Variants in USH2A observed in about 807,000 individuals in gnomAD.
USH2A encodes Usher syndrome 2A (autosomal recessive, mild).
In USH2A, 443 loss-of-function variants were observed where a neutral mutation model predicts 538.9. The ratio of observed to expected loss-of-function variants is 0.82; its 90% CI spans 0.76 to 0.89. The LOEUF is 0.89. Ranked by LOEUF, USH2A falls within the 40% of genes least tolerant of loss-of-function variation. USH2A has a pLI of 0.00. For missense variants in USH2A, 6,633 were observed against 6,324.8 expected (o/e 1.05, Z -1.65); for synonymous variants, 2,413 against 2,273.5 (o/e 1.06, Z -1.75).
chr1:216,346,824 C>T (rs186474771), intron 4 of USH2A, among the ~76,000 whole-genome samples: 49 of 151,580 alleles, frequency 3.2e-4, no homozygotes, highest in Admixed American at 1.1e-3. Flanking sequence ...GTTAAGAAAC[C>T]GAAAAATGAA....
chr1:215,632,978 T>C (rs1017467869), intron 70 of USH2A, among the ~76,000 whole-genome samples: 2 of 152,112 alleles, frequency 1.3e-5, no homozygotes, highest in African/African-American at 4.8e-5. Context: ...CCGGGGCACA[T>C]ACAACAGGAA....
intron 11 of USH2A, among the ~76,000 whole-genome samples, chr1:216,287,423 G>GCCC (rs1244383595): frequency 1.3e-5 from 2 of 152,180 alleles, no homozygotes; most frequent in African/African-American, 4.8e-5. Context: ...AGAGCCAGTA[G>GCCC]TATGCTGGAG....
chr1:216,201,316 T>C (rs1249513390), intron 16 of USH2A, among the ~76,000 whole-genome samples: 3 of 150,228 alleles, frequency 2.0e-5, no homozygotes, highest in Admixed American at 1.3e-4. Flanking sequence ...TTTCTTTTTT[T>C]TTTTTTTTTG....
At chr1:215,746,234 G>T (rs1660466069) in intron 58 of USH2A, among the ~76,000 whole-genome samples, 1 of 152,056 alleles carries the variant, frequency 6.6e-6, no homozygotes, top group African/African-American at 2.4e-5. Flanking sequence ...ATTAATTGGT[G>T]TGTCTGAATG....
At chr1:216,278,968 C>A (rs1182771812) in intron 11 of USH2A, among the ~76,000 whole-genome samples, 1 of 152,150 alleles carries the variant, frequency 6.6e-6, no homozygotes, top group African/African-American at 2.4e-5. Context: ...AGTAGGGTCT[C>A]TGTTCCTTAT....
chr1:216,340,074 A>G (rs1457889686), intron 4 of USH2A, among the ~76,000 whole-genome samples: 3 of 151,720 alleles, frequency 2.0e-5, no homozygotes, highest in Non-Finnish European at 4.4e-5. Context: ...CAAACAAACA[A>G]ACAAACAAAA....
At chr1:215,870,248 T>C in intron 43 of USH2A, among the ~76,000 whole-genome samples, 1 of 151,806 alleles carries the variant, frequency 6.6e-6, no homozygotes, top group East Asian at 2.0e-4. Flanking sequence ...CATTGTTAAG[T>C]TAAATTTTTA....
At chr1:216,301,066 T>G (rs1208414766) in intron 9 of USH2A, among the ~76,000 whole-genome samples, 1 of 152,044 alleles carries the variant, frequency 6.6e-6, no homozygotes, top group Non-Finnish European at 1.5e-5. Flanking sequence ...TCAATTTTAC[T>G]TATTTCTTAA....
chr1:215,665,400 C>T (rs1218564006), intron 64 of USH2A, among the ~76,000 whole-genome samples: 1 of 151,986 alleles, frequency 6.6e-6, no homozygotes, highest in Non-Finnish European at 1.5e-5. Context: ...GTGCTTACCG[C>T]AAAAATCTGT....
At position 215,674,785 on chromosome 1, in the gene USH2A, A is replaced by G. The variant is rs775490668; in HGVS notation, c.13126T>C (p.Trp4376Arg). Residue 4376 changes from tryptophan to arginine, a missense_variant, in exon 63 of 72, where the codon TGG (tryptophan) becomes CGG (arginine). Transcript: ENST00000307340. ...AVSATQMNVC[W>R]SPPTVQNGKI... ...CCATTTTGCACTGTGGGCGGTGACC[A>G]ACATACATTCATTTGAGTGGCACTG... 1.9e-6 allele frequency: 3 copies of G among 1,614,176 alleles called. No individual in the cohort carries two copies. The South Asian group carries it at 3.3e-5, about 18-fold the overall frequency.
chr1:215,995,455 C>A (rs1390253777), intron 34 of USH2A, among the ~76,000 whole-genome samples: 1 of 152,180 alleles, frequency 6.6e-6, no homozygotes, highest in East Asian at 1.9e-4. Context: ...GTAAGCAGGA[C>A]ATTATCTTAG....
intron 38 of USH2A, among the ~76,000 whole-genome samples, chr1:215,922,718 C>T (rs955668588): frequency 1.3e-4 from 20 of 152,040 alleles, no homozygotes; most frequent in African/African-American, 4.6e-4. Flanking sequence ...TGAGAAGTTG[C>T]ATTTCAAGCA....
intron 37 of USH2A, among the ~76,000 whole-genome samples, chr1:215,953,163 C>T (rs1666967208): frequency 1.3e-5 from 2 of 152,020 alleles, no homozygotes; most frequent in Admixed American, 1.3e-4. Context: ...AGATTCAATG[C>T]CATCCCCATC....
intron 3 of USH2A, among the ~76,000 whole-genome samples, chr1:216,403,952 C>T (rs1384178908): frequency 1.3e-5 from 2 of 152,056 alleles, no homozygotes; most frequent in Admixed American, 6.5e-5. Context: ...CCTGACGCCA[C>T]GTGAGGAAGG....
chr1:216,289,504 C>A, intron 10 of USH2A, 94 bp from the exon 11 acceptor site: 1 of 1,572,818 alleles, frequency 6.4e-7, no homozygotes, highest in Non-Finnish European at 8.7e-7. Flanking sequence ...TGAGGGAATT[C>A]TATAATTTTC....
At chr1:215,983,714 C>T (rs535884958) in intron 35 of USH2A, among the ~76,000 whole-genome samples, 1 of 152,070 alleles carries the variant, frequency 6.6e-6, no homozygotes, top group Non-Finnish European at 1.5e-5. Context: ...AACAGGAAAC[C>T]AATGACAACT....
chr1:216,249,445 T>C (rs984879907), intron 12 of USH2A, among the ~76,000 whole-genome samples: 3 of 152,168 alleles, frequency 2.0e-5, no homozygotes, highest in African/African-American at 7.2e-5. Context: ...CTTTAACTTT[T>C]GTTTTCACAT....
intron 41 of USH2A, among the ~76,000 whole-genome samples, chr1:215,885,679 A>G (rs1665030891): frequency 6.6e-6 from 1 of 152,188 alleles, no homozygotes; most frequent in Non-Finnish European, 1.5e-5. Flanking sequence ...ACCAAGTCAT[A>G]TCACCTCTTT....
intron 32 of USH2A, among the ~76,000 whole-genome samples, chr1:216,004,222 A>G (rs1668339014): frequency 6.6e-6 from 1 of 152,196 alleles, no homozygotes; most frequent in Admixed American, 6.6e-5. Flanking sequence ...GGAAGAGTTC[A>G]TGGCTTGAGA....
Sources: allele counts gnomAD v4.1 joint callset (sites outside exome capture counted in the v4.1 genomes callset), GRCh38; gene constraint gnomAD v4.1.1; transcripts MANE v1.5; gene names NCBI Gene and HGNC (gene_info 2026-07-23, HGNC 2026-07-21).